GALNT13: variants seen among roughly 807,000 people sequenced by gnomAD.
GALNT13 encodes the protein polypeptide N-acetylgalactosaminyltransferase 13.
In GALNT13, 28 loss-of-function variants were observed where a neutral mutation model predicts 64.2. The observed-to-expected ratio is 0.44, with a 90% CI of 0.32 to 0.60. GALNT13 has a LOEUF of 0.60. GALNT13 is among the 20% of genes least tolerant of loss of function. The pLI, the probability that GALNT13 is intolerant of heterozygous loss-of-function variation, is 0.05. For synonymous variants in GALNT13, 214 were observed against 224.6 expected, an observed-to-expected ratio of 0.95 and a Z score of 0.42; for missense variants, 577 against 669.8, an observed-to-expected ratio of 0.86 and a Z score of 1.53.
At chr2:154,425,205 T>C (rs186199639) in intron 11 of GALNT13, among the ~76,000 whole-genome samples, 6 of 152,312 alleles carry the variant, frequency 3.9e-5, no homozygotes, top group Non-Finnish European at 8.8e-5. Context: ...TTTTAGGAAG[T>C]GTCTAAAGAT....
the GALNT13 span, among the ~76,000 whole-genome samples, chr2:153,105,824 T>G: frequency 6.6e-6 from 1 of 152,130 alleles, no homozygotes; most frequent in African/African-American, 2.4e-5. Flanking sequence ...GTGAAGGACC[T>G]CTTCAAGGAG....
chr2:153,709,321 G>A, the GALNT13 span, among the ~76,000 whole-genome samples: 2,285 of 151,880 alleles, frequency 0.015, 56 homozygotes, highest in African/African-American at 0.052. Context: ...CCAACTAAAA[G>A]AAGGGCAAAA....
the GALNT13 span, among the ~76,000 whole-genome samples, chr2:153,538,347 TTTTTATTTATTTTTA>T: frequency 9.7e-4 from 133 of 137,354 alleles, 2 homozygotes; most frequent in Non-Finnish European, 2.6e-4. Context: ...TTTTTTTACT[TTTTTATTTATTTTTA>T]TTTTATTTAT....
the GALNT13 span, among the ~76,000 whole-genome samples, chr2:153,366,719 G>C: frequency 2.3e-5 from 1 of 42,724 alleles, no homozygotes; most frequent in African/African-American, 1.0e-4. Context: ...CAGCACACAG[G>C]GACACACACA....
intron 3 of GALNT13, among the ~76,000 whole-genome samples, chr2:154,074,559 G>A (rs1266667633): frequency 6.6e-6 from 1 of 151,756 alleles, no homozygotes; most frequent in Admixed American, 6.6e-5. Flanking sequence ...AATAAGATAA[G>A]GGACACCTCC....
At chr2:154,255,140 A>G (rs775061746) in intron 7 of GALNT13, among the ~76,000 whole-genome samples, 8 of 152,194 alleles carry the variant, frequency 5.3e-5, no homozygotes, top group African/African-American at 9.6e-5. Context: ...ACAATGCAAT[A>G]GGAGCTAGAA....
the GALNT13 span, among the ~76,000 whole-genome samples, chr2:153,602,568 A>G: frequency 1.3e-5 from 2 of 151,882 alleles, no homozygotes; most frequent in African/African-American, 4.8e-5. Context: ...AACAACAAGT[A>G]CAGAATCCTT....
intron 12 of GALNT13, among the ~76,000 whole-genome samples, chr2:154,440,877 C>T (rs1475906978): frequency 6.6e-6 from 1 of 152,000 alleles, no homozygotes; most frequent in African/African-American, 2.4e-5. Flanking sequence ...TTGAGAAGGT[C>T]GTTAAAAAGG....
At chr2:153,550,484 T>G in the GALNT13 span, among the ~76,000 whole-genome samples, 1 of 152,246 alleles carries the variant, frequency 6.6e-6, no homozygotes, top group African/African-American at 2.4e-5. Flanking sequence ...TCAACTGCTT[T>G]GGCCTCCCAA....
chr2:154,385,703 T>C (rs1470630215), intron 9 of GALNT13, among the ~76,000 whole-genome samples: 2 of 152,028 alleles, frequency 1.3e-5, no homozygotes, highest in East Asian at 1.9e-4. Flanking sequence ...AGTTTATCTG[T>C]TGTTCCAGTA....
chr2:153,906,992 G>A (rs1688609920), intron 2 of GALNT13, among the ~76,000 whole-genome samples: 1 of 151,952 alleles, frequency 6.6e-6, no homozygotes, highest in African/African-American at 2.4e-5. Flanking sequence ...TTCTCTGATG[G>A]CCAGTGATGA....
rs193104640 is a variant in GALNT13, at chr2:154,217,258, A to T, written c.312-24772A>T. On this transcript the variant is annotated intron_variant, in intron 4 of 12. Coordinates refer to ENST00000392825, the MANE Select transcript of GALNT13 (RefSeq NM_052917.4). The stretch of plus-strand genomic sequence containing the variant: ...AAATAAAATGTAAACTCCAGATTCC[A>T]GCAATGAAATTCTCATTATTTTGTA... Among the ~76,000 whole-genome samples, 133 of 152,246 alleles carry T rather than the reference A, an allele frequency of 8.7e-4. 3 individuals are homozygous for T. The East Asian group carries it at 0.019, about 22-fold the overall frequency.
rs145089021 is a variant in GALNT13 at position 154,352,468 on chromosome 2, T to C, written c.1157-43523T>C. On this transcript the variant is annotated intron_variant, in intron 9 of 12. Transcript: ENST00000392825. ...TTGTTAGGCACAGTTCTAGGTGCTG[T>C]TCATGCATTGTCACATGTAAGGCTC... Among the ~76,000 whole-genome samples the C allele has an allele frequency of 8.5e-5, 13 of 152,346 alleles. 1 individual carries two copies. Among genetic ancestry groups the C allele is most frequent in the African/African-American group, 3.1e-4 (13 of 41,570 alleles).
At chr2:154,237,383 T>TAGCCA (rs1374671200) in intron 4 of GALNT13, among the ~76,000 whole-genome samples, 5 of 151,438 alleles carry the variant, frequency 3.3e-5, no homozygotes, top group Admixed American at 3.3e-4. Flanking sequence ...AATAGATTAT[T>TAGCCA]AGCCAAGTTC....
chr2:154,388,008 A>G (rs1698597174), intron 9 of GALNT13, among the ~76,000 whole-genome samples: 2 of 152,154 alleles, frequency 1.3e-5, no homozygotes, highest in Admixed American at 1.3e-4. Context: ...CCACTTTTAT[A>G]ATGGCTGTAC....
chr2:153,411,173 A>G, the GALNT13 span, among the ~76,000 whole-genome samples: 1 of 91,278 alleles, frequency 1.1e-5, no homozygotes, highest in African/African-American at 3.7e-5. Flanking sequence ...ATATATATAT[A>G]TATATATTTT....
intron 4 of GALNT13, among the ~76,000 whole-genome samples, chr2:154,221,584 TA>T (rs1688325193): frequency 2.0e-5 from 3 of 152,060 alleles, no homozygotes; most frequent in Admixed American, 2.0e-4. Context: ...ACAAGTGCAG[TA>T]GGTTCTCCTT....
the GALNT13 span, among the ~76,000 whole-genome samples, chr2:153,635,428 G>GTATATA: frequency 1.4e-5 from 2 of 142,522 alleles, no homozygotes; most frequent in Non-Finnish European, 3.0e-5. Context: ...ACATATATAT[G>GTATATA]TATATATATA....
At chr2:153,881,622 A>C (rs1378775073) in intron 1 of GALNT13, among the ~76,000 whole-genome samples, 1 of 152,168 alleles carries the variant, frequency 6.6e-6, no homozygotes, top group Non-Finnish European at 1.5e-5. Context: ...ATAAAATGCT[A>C]ATTCAAGTGG....
Sources: gnomAD v4.1 joint callset for allele counts (sites outside exome capture counted in the v4.1 genomes callset) on GRCh38, gnomAD v4.1.1 for gene constraint, MANE v1.5 for transcripts, NCBI Gene and HGNC (gene_info 2026-07-23, HGNC 2026-07-21) for gene names.